RABGEF1: variants seen among roughly 807,000 people sequenced by gnomAD.
RABGEF1 encodes the protein rab5 GDP/GTP exchange factor.
Under a neutral mutation model 57.3 loss-of-function variants are expected in RABGEF1, and 26 were observed. The observed-to-expected ratio is 0.45, with a 90% CI of 0.33 to 0.63. The LOEUF is 0.63. RABGEF1 is among the 20% of genes least tolerant of loss of function. The pLI is 0.02. For synonymous variants in RABGEF1, 185 were observed against 210.7 expected, an observed-to-expected ratio of 0.88 and a Z score of 1.06; for missense variants, 464 against 607.6, an observed-to-expected ratio of 0.76 and a Z score of 2.48.
chr7:66,716,337 T>C (rs1359942108), intron 2 of RABGEF1, among the ~76,000 whole-genome samples: 2 of 152,192 alleles, frequency 1.3e-5, no homozygotes, highest in Non-Finnish European at 2.9e-5. Context: ...CAGCGGCTCA[T>C]GCGTGTAATC....
At chr7:66,768,426 A>G (rs1327496102) in intron 1 of RABGEF1, among the ~76,000 whole-genome samples, 1 of 152,174 alleles carries the variant, frequency 6.6e-6, no homozygotes, top group African/African-American at 2.4e-5. Flanking sequence ...TTCTTTATAC[A>G]TTCTGGGTAT....
chr7:66,791,143 A>T (rs897332103), intron 4 of RABGEF1, among the ~76,000 whole-genome samples: 13 of 152,256 alleles, frequency 8.5e-5, no homozygotes, highest in Non-Finnish European at 1.6e-4. Context: ...GACACTGTCT[A>T]GCTGCTAAAA....
Position 66,775,293 on chromosome 7 carries a change from A to G in RABGEF1, c.246A>G (p.Thr82=). The G allele has an allele frequency of 6.2e-7, 1 of 1,613,992 alleles. No homozygotes were observed. The highest frequency in any genetic ancestry group is 1.1e-5 in the South Asian group (1 of 91,074). Residue 82 remains threonine, a synonymous_variant, in exon 3 of 9, where the codon ACA becomes ACG. Transcript: ENST00000284957. ...GCAGCCAAGGGGCCCAATCCCTCAC[A>G]TTCTCCAAGTTTGAAGAAAAGAAAA... ...SQSSQGAQSL[T]FSKFEEKKTN...
intron 4 of RABGEF1, among the ~76,000 whole-genome samples, chr7:66,790,334 C>CT (rs1341498334): frequency 1.3e-5 from 2 of 152,174 alleles, no homozygotes; most frequent in African/African-American, 2.4e-5. Context: ...CGCATGAGGT[C>CT]TTTTTTTCGT....
intron 4 of RABGEF1, among the ~76,000 whole-genome samples, chr7:66,788,983 GA>G (rs1241745257): frequency 1.3e-5 from 2 of 151,894 alleles, no homozygotes; most frequent in Non-Finnish European, 2.9e-5. Context: ...ATAATAATCT[GA>G]TACTGATTAT....
At chr7:66,785,686 A>G (rs1486114326) in intron 4 of RABGEF1, among the ~76,000 whole-genome samples, 1 of 152,194 alleles carries the variant, frequency 6.6e-6, no homozygotes, top group Non-Finnish European at 1.5e-5. Context: ...CATCCTGGCT[A>G]TCACGGTGAA....
At chr7:66,743,537 T>C (rs1049424969) in intron 1 of RABGEF1, among the ~76,000 whole-genome samples, 1 of 152,132 alleles carries the variant, frequency 6.6e-6, no homozygotes, top group Non-Finnish European at 1.5e-5. Flanking sequence ...AATCTGGCTC[T>C]GTCGCCCAGG....
At chr7:66,691,591 C>T (rs1219596194) in intron 1 of RABGEF1, among the ~76,000 whole-genome samples, 1 of 152,150 alleles carries the variant, frequency 6.6e-6, no homozygotes, top group Non-Finnish European at 1.5e-5. Flanking sequence ...AATATGCATT[C>T]AGTAGAAACT....
chr7:66,688,085 C>CAAAAAAAAAAAAAAAA (rs60925853), intron 1 of RABGEF1, among the ~76,000 whole-genome samples: 1 of 109,168 alleles, frequency 9.2e-6, no homozygotes. Context: ...AACTCTGTGT[C>CAAAAAAAAAAAAAAAA]AAAAAAAAAA....
chr7:66,741,114 C>G (rs1798836555), intron 1 of RABGEF1, among the ~76,000 whole-genome samples: 1 of 152,032 alleles, frequency 6.6e-6, no homozygotes, highest in African/African-American at 2.4e-5. Context: ...GCCTCCCTCT[C>G]CGGCGGCTCC....
At chr7:66,677,978 C>G (rs1789405994), upstream of RABGEF1, among the ~76,000 whole-genome samples, 1 of 151,016 alleles carries the variant, frequency 6.6e-6, no homozygotes, top group Admixed American at 6.6e-5. Context: ...GGCAAGACAT[C>G]TCTTGAACCT....
rs377592917 is a variant in RABGEF1 at position 66,741,617 on chromosome 7, G to C, written c.-18+825G>C. Among the ~76,000 whole-genome samples the C allele has an allele frequency of 5.3e-5, 8 of 152,308 alleles. No individual in the cohort carries two copies. The East Asian group carries it at 1.5e-3, about 29-fold the overall frequency. ...ATTAGGTAGGAAATTTTCCCAGGAC[G>C]AGTTTACCGGAGCACCTTGGGAGTT... On this transcript the variant is annotated intron_variant, in intron 1 of 8. Coordinates refer to ENST00000284957, the MANE Select transcript of RABGEF1 (RefSeq NM_014504.3).
Position 66,775,410 on chromosome 7 carries a change from C to CT in RABGEF1, c.346+25dup, listed in dbSNP as rs753775194. Reference sequence around the variant, plus strand: ...CAAAGAAGGGTAATGTTCTGATACTCTTTTTTTTCTTCTCTGCCTGAGTGA... The same window carrying CT: ...CAAAGAAGGGTAATGTTCTGATACTCTTTTTTTTTCTTCTCTGCCTGAGTGA... On this transcript the variant is annotated intron_variant, in intron 3 of 8. Transcript: ENST00000284957. 1.2e-5 allele frequency: 20 copies of CT among 1,610,112 alleles called. No homozygotes were observed. The highest frequency in any genetic ancestry group is 5.4e-5 in the African/African-American group (4 of 74,742).
intron 1 of RABGEF1, among the ~76,000 whole-genome samples, chr7:66,767,889 T>C (rs575658200): frequency 6.6e-6 from 1 of 152,356 alleles, no homozygotes; most frequent in South Asian, 2.1e-4. Flanking sequence ...ACTAAGATGC[T>C]GGCTTCTATC....
At chr7:66,677,264 C>T (rs1017161380), upstream of RABGEF1, among the ~76,000 whole-genome samples, 7 of 152,042 alleles carry the variant, frequency 4.6e-5, 1 homozygote, top group African/African-American at 7.2e-5. Context: ...ATAAAGGCCA[C>T]GCCTGAAAAA....
chr7:66,755,333 G>A (rs149429418), intron 1 of RABGEF1, among the ~76,000 whole-genome samples: 143 of 152,120 alleles, frequency 9.4e-4, no homozygotes, highest in African/African-American at 3.3e-3. Flanking sequence ...AATTTAGCCA[G>A]GGATGGTGAT....
chr7:66,781,385 T>C (rs1340591107), intron 3 of RABGEF1, among the ~76,000 whole-genome samples: 7 of 152,254 alleles, frequency 4.6e-5, no homozygotes, highest in African/African-American at 1.7e-4. Flanking sequence ...TTATTATACT[T>C]TAAGTTCTGG....
At chr7:66,722,352 A>C (rs1383117765) in intron 2 of RABGEF1, among the ~76,000 whole-genome samples, 5 of 152,238 alleles carry the variant, frequency 3.3e-5, no homozygotes, top group South Asian at 2.1e-4. Flanking sequence ...AGGCAGGAGA[A>C]TCACTTGAAC....
At chr7:66,678,793 T>C (rs975561280), upstream of RABGEF1, among the ~76,000 whole-genome samples, 8 of 152,114 alleles carry the variant, frequency 5.3e-5, no homozygotes, top group South Asian at 2.1e-4. Context: ...CTGGCAAGCA[T>C]GGACAAAGGA....
Sources: allele counts gnomAD v4.1 joint callset (sites outside exome capture counted in the v4.1 genomes callset), GRCh38; gene constraint gnomAD v4.1.1; transcripts MANE v1.5; gene names NCBI Gene and HGNC (gene_info 2026-07-23, HGNC 2026-07-21).